The following MPHOSPH9 variants were observed in gnomAD, a reference collection of about 807,000 sequenced individuals.
MPHOSPH9 encodes the protein M-phase phosphoprotein 9.
In MPHOSPH9, 88 loss-of-function variants were observed where a neutral mutation model predicts 145.5. The ratio of observed to expected loss-of-function variants is 0.60; its 90% confidence interval spans 0.51 to 0.72. The LOEUF is 0.72. Among genes scored for constraint, MPHOSPH9 ranks in the 30% least tolerant of loss-of-function variants. MPHOSPH9 has a pLI of 0.00. For missense variants in MPHOSPH9, 1,238 were observed against 1,386.6 expected, an observed-to-expected ratio of 0.89 and a Z score of 1.70; for synonymous variants, 435 against 486.2, an observed-to-expected ratio of 0.89 and a Z score of 1.39.
chr12:123,183,865 C>T (rs2045315561), intron 13 of MPHOSPH9, among the ~76,000 whole-genome samples: 1 of 151,922 alleles, frequency 6.6e-6, no homozygotes, highest in South Asian at 2.1e-4. Context: ...TTTGGAAATC[C>T]AAGGATAATA....
intron 6 of MPHOSPH9, among the ~76,000 whole-genome samples, chr12:123,215,965 C>T (rs911565642): frequency 2.0e-5 from 3 of 152,266 alleles, no homozygotes; most frequent in Non-Finnish European, 2.9e-5. Flanking sequence ...AGGCCGGGCG[C>T]GGTGGCTCAC....
intron 1 of MPHOSPH9, chr12:123,243,771 G>A (rs1027263699): frequency 4.6e-5 from 7 of 152,186 alleles, no homozygotes; most frequent in Non-Finnish European, 7.3e-5. Context: ...CTCTAAAGGT[G>A]ACCAGTGTCA....
Position 123,194,461 on chromosome 12 carries a change from T to G in MPHOSPH9, c.2166A>C (p.Glu722Asp). 1 of 1,611,200 alleles carries G rather than the reference T, an allele frequency of 6.2e-7. No homozygotes were observed. Among genetic ancestry groups the G allele is most frequent in the Non-Finnish European group, 8.5e-7 (1 of 1,179,112 alleles). Residue 722 changes from glutamate to aspartate, a missense_variant, in exon 13 of 24, where the codon GAA becomes GAC. By Grantham distance (45) the Glu-to-Asp change is conservative. Coordinates refer to ENST00000606320, the MANE Select transcript of MPHOSPH9 (RefSeq NM_022782.4). ...AGAGTTTGTAAGCATTCTCAAATGCTTCTTCTAAATCTTGCAGTCTAGATT... is the reference window on the plus strand; with the variant it reads ...AGAGTTTGTAAGCATTCTCAAATGCGTCTTCTAAATCTTGCAGTCTAGATT... ...RLKSRLQDLE[E>D]AFENAYKLSD...
intron 7 of MPHOSPH9, among the ~76,000 whole-genome samples, chr12:123,213,387 T>C (rs904174704): frequency 1.3e-5 from 2 of 152,130 alleles, no homozygotes; most frequent in Non-Finnish European, 2.9e-5. Flanking sequence ...TTGCCCAGGC[T>C]GGAGTGCAGT....
intron 13 of MPHOSPH9, among the ~76,000 whole-genome samples, chr12:123,184,013 C>T (rs1016274755): frequency 6.6e-6 from 1 of 152,008 alleles, no homozygotes; most frequent in African/African-American, 2.4e-5. Flanking sequence ...GGAGACCAGC[C>T]TGCGCAATAT....
At chr12:123,184,646 C>T (rs867137748) in intron 13 of MPHOSPH9, among the ~76,000 whole-genome samples, 32 of 151,726 alleles carry the variant, frequency 2.1e-4, no homozygotes, top group African/African-American at 6.8e-4. Context: ...TACAGGCATC[C>T]GCTACCACGC....
chr12:123,194,592 T>C lies in MPHOSPH9; in HGVS notation c.2035A>G (p.Arg679Gly). ...CTGCTGGCTGCACTGAAGCGTTCTC[T>C]CAAATCATTCTATAAAACAAAGACA... ...NLLEIEVNDLRERFSAASSAS... is the reference protein window; with the variant it reads ...NLLEIEVNDLGERFSAASSAS... Residue 679 changes from arginine (R) to glycine (G), a missense_variant, in exon 13 of 24, where the codon AGA becomes GGA. By Grantham distance (125) the Arg-to-Gly change is moderately radical (BLOSUM62 -2). Transcript: ENST00000606320. 1.3e-6 allele frequency: 2 copies of C among 1,570,826 alleles called. No individual in the cohort carries two copies. Among genetic ancestry groups the C allele is most frequent in the Non-Finnish European group, 8.6e-7 (1 of 1,162,346 alleles).
chr12:123,166,386 G>C (rs1469072841), intron 17 of MPHOSPH9: 2 of 415,234 alleles, frequency 4.8e-6, no homozygotes, highest in African/African-American at 2.1e-5. Flanking sequence ...GATTACAGGC[G>C]TGAGCCACCA....
chr12:123,237,870 AACT>A (rs1263651145), upstream of MPHOSPH9, among the ~76,000 whole-genome samples: 3 of 151,686 alleles, frequency 2.0e-5, no homozygotes, highest in Non-Finnish European at 4.4e-5. Context: ...CTTTCTTTTT[AACT>A]ACCATTTTAC....
At chr12:123,226,864 T>G (rs903575056) in intron 3 of MPHOSPH9, among the ~76,000 whole-genome samples, 1 of 152,158 alleles carries the variant, frequency 6.6e-6, no homozygotes, top group African/African-American at 2.4e-5. Flanking sequence ...CTCAAACTCC[T>G]GGCCTCAACC....
intron 12 of MPHOSPH9, 22 bp downstream of exon 12, chr12:123,198,225 C>G: frequency 6.4e-7 from 1 of 1,556,124 alleles, no homozygotes. Flanking sequence ...ACCAGAACAC[C>G]CACCAAAAAA....
rs2046280195 is a variant in MPHOSPH9 at position 123,202,823 on chromosome 12, T to C, written c.1582A>G (p.Asn528Asp). Residue 528 changes from asparagine to aspartate, a missense_variant, in exon 10 of 24, where the codon AAC (asparagine) becomes GAC (aspartate). By Grantham distance (23) the Asn-to-Asp change is conservative. This residue lies in a region of MPHOSPH9 where 837 missense variants were observed against 897.5 expected (regional missense o/e 0.93). Transcript: ENST00000606320. Reference protein sequence around the residue: ...VDSWKNQTFQNESRTSSTFPS... With the variant: ...VDSWKNQTFQDESRTSSTFPS... ...AACGTGGAACTGGTCCTACTTTCGT[T>C]TTGGAATGTCTGATTTTTCCAAGAG... The C allele has an allele frequency of 1.2e-6, 2 of 1,614,058 alleles. No individual in the cohort carries two copies. The highest frequency in any genetic ancestry group is 2.7e-5 in the African/African-American group (2 of 74,924).
intron 13 of MPHOSPH9, among the ~76,000 whole-genome samples, chr12:123,187,073 A>G (rs2045476061): frequency 6.6e-6 from 1 of 152,204 alleles, no homozygotes; most frequent in African/African-American, 2.4e-5. Context: ...AGCCATGGCT[A>G]ACATGGTGAA....
At chr12:123,241,690 A>G (rs2047940236) in intron 1 of MPHOSPH9, among the ~76,000 whole-genome samples, 1 of 152,220 alleles carries the variant, frequency 6.6e-6, no homozygotes, top group Admixed American at 6.5e-5. Flanking sequence ...GGCTGGAGAC[A>G]GCTTCTGGGC....
At chr12:123,168,718 A>AT (rs2044436050) in intron 16 of MPHOSPH9, among the ~76,000 whole-genome samples, 1 of 147,674 alleles carries the variant, frequency 6.8e-6, no homozygotes, top group African/African-American at 2.4e-5. Flanking sequence ...ACCCTCCTCA[A>AT]ACCTCCCATC....
In MPHOSPH9 at chr12:123,165,313, T is replaced by C. The variant is rs751876130; in HGVS notation, c.2756A>G (p.Asp919Gly). ...AAGGAAATACTCACTATTTGAGGTGTCCTCTTTCTCTGTCTGTGTCCCCCA... is the reference window on the plus strand; with the variant it reads ...AAGGAAATACTCACTATTTGAGGTGCCCTCTTTCTCTGTCTGTGTCCCCCA... ...KNWGTQTEKE[D>G]TSNINPRQTE... Residue 919 changes from aspartate to glycine, a missense_variant, in exon 18 of 24, where the codon GAC (aspartate) becomes GGC (glycine). Asp to Gly is a moderately conservative substitution (Grantham distance 94). Transcript: ENST00000606320. 1.2e-6 allele frequency: 2 copies of C among 1,613,006 alleles called. No homozygotes were observed. The highest frequency in any genetic ancestry group is 2.2e-5 in the South Asian group (2 of 90,944).
In MPHOSPH9 at chr12:123,170,226, T is replaced by C. The variant is rs1293338856; in HGVS notation, c.2457-3437A>G. Among the ~76,000 whole-genome samples, 38 of 151,666 alleles carry C rather than the reference T, an allele frequency of 2.5e-4. 1 individual carries two copies. The highest frequency in any genetic ancestry group is 2.5e-3 in the Admixed American group (38 of 15,214). On this transcript the variant is annotated intron_variant, in intron 16 of 23. Transcript: ENST00000606320. ...GGCTCGATGTCGGCTCACTGCAACC[T>C]CCGCCTCTCAGGTTCAAACCATTCT...
intron 23 of MPHOSPH9, 49 bp from the exon 24 acceptor site, chr12:123,156,957 C>T (rs1268095171): frequency 7.2e-7 from 1 of 1,388,464 alleles, no homozygotes; most frequent in Admixed American, 1.7e-5. Flanking sequence ...ATACCAAGTT[C>T]TATAATCACC....
intron 19 of MPHOSPH9, 59 bp downstream of exon 19, chr12:123,163,891 T>G (rs547354854): frequency 1.2e-6 from 2 of 1,601,524 alleles, no homozygotes; most frequent in African/African-American, 2.7e-5. Context: ...CGGGCACAAA[T>G]AGATTTGACT....
Sources: gnomAD v4.1 joint callset for allele counts (sites outside exome capture counted in the v4.1 genomes callset) on GRCh38, gnomAD v4.1.1 for gene constraint, gnomAD v4.1.1 regional missense constraint, MANE v1.5 for transcripts, NCBI Gene and HGNC (gene_info 2026-07-23, HGNC 2026-07-21) for gene names.